Variants in CLSTN2 observed in about 807,000 individuals in gnomAD.
CLSTN2 encodes calsyntenin 2, also known as calsyntenin-2.
In CLSTN2, 48 loss-of-function variants were observed where a neutral mutation model predicts 101.2. The observed-to-expected ratio is 0.47, with a 90% CI of 0.38 to 0.60. CLSTN2 has a LOEUF of 0.60. CLSTN2 is among the 20% of genes least tolerant of loss of function. The pLI, the probability that CLSTN2 is intolerant of heterozygous loss-of-function variation, is 0.00. For synonymous variants in CLSTN2, 481 were observed against 463.6 expected, an observed-to-expected ratio of 1.04 and a Z score of -0.48; for missense variants, 1,160 against 1,238.2, an observed-to-expected ratio of 0.94 and a Z score of 0.95.
At chr3:140,467,133 G>T (rs965207367) in intron 8 of CLSTN2, among the ~76,000 whole-genome samples, 2 of 152,186 alleles carry the variant, frequency 1.3e-5, no homozygotes, top group African/African-American at 4.8e-5. Flanking sequence ...ACAAGGTTGA[G>T]GACAGGGACT....
chr3:140,237,204 A>G (rs2086425978), intron 2 of CLSTN2, among the ~76,000 whole-genome samples: 1 of 152,148 alleles, frequency 6.6e-6, no homozygotes, highest in Non-Finnish European at 1.5e-5. Flanking sequence ...CTTGTTTTTA[A>G]GCATTTTTAA....
At chr3:140,288,177 A>G (rs566581754) in intron 2 of CLSTN2, among the ~76,000 whole-genome samples, 1 of 151,980 alleles carries the variant, frequency 6.6e-6, no homozygotes, top group East Asian at 1.9e-4. Flanking sequence ...CCACATGTAT[A>G]CCTATTGTTA....
intron 2 of CLSTN2, among the ~76,000 whole-genome samples, chr3:140,388,240 T>C (rs530134241): frequency 1.7e-4 from 26 of 152,324 alleles, no homozygotes; most frequent in Non-Finnish European, 2.5e-4. Flanking sequence ...GGTTTTTAAT[T>C]AACTGACTGT....
intron 5 of CLSTN2, among the ~76,000 whole-genome samples, chr3:140,426,914 C>T (rs958021803): frequency 1.4e-4 from 21 of 152,088 alleles, no homozygotes; most frequent in African/African-American, 5.1e-4. Context: ...GTGGCTCACA[C>T]CTGTAATCCT....
intron 9 of CLSTN2, among the ~76,000 whole-genome samples, chr3:140,542,468 C>CTAAT (rs200186019): frequency 0.032 from 4,914 of 152,216 alleles, 112 homozygotes; most frequent in Non-Finnish European, 0.051. Context: ...ATGTTTATGT[C>CTAAT]TAATTGTTAA....
intron 2 of CLSTN2, among the ~76,000 whole-genome samples, chr3:140,255,228 G>A (rs976191434): frequency 6.6e-6 from 1 of 152,286 alleles, no homozygotes; most frequent in Admixed American, 6.5e-5. Flanking sequence ...CAGCCATCGT[G>A]GAAAGCAGTT....
At chr3:140,532,569 T>C in intron 9 of CLSTN2, 83 bp downstream of exon 9, 3 of 1,286,352 alleles carry the variant, frequency 2.3e-6, no homozygotes, top group Non-Finnish European at 3.1e-6. Context: ...GAAAAGCAAG[T>C]GGTGTGAGAA....
intron 1 of CLSTN2, among the ~76,000 whole-genome samples, chr3:140,046,743 T>C (rs2007889489): frequency 6.6e-6 from 1 of 152,202 alleles, no homozygotes; most frequent in Non-Finnish European, 1.5e-5. Context: ...TGCTTGTCTG[T>C]AAAGGATTTT....
chr3:140,387,726 T>G (rs961735642), intron 2 of CLSTN2, among the ~76,000 whole-genome samples: 1 of 152,336 alleles, frequency 6.6e-6, no homozygotes. Flanking sequence ...AACTTCAAAT[T>G]AAAAGATATT....
At chr3:140,439,056 A>G (rs1172456007) in intron 5 of CLSTN2, among the ~76,000 whole-genome samples, 2 of 152,230 alleles carry the variant, frequency 1.3e-5, no homozygotes, top group Non-Finnish European at 2.9e-5. Flanking sequence ...GGTGGTGCCC[A>G]ACACCAGCAA....
At chr3:140,258,419 C>T (rs531141702) in intron 2 of CLSTN2, among the ~76,000 whole-genome samples, 11 of 152,194 alleles carry the variant, frequency 7.2e-5, no homozygotes, top group African/African-American at 2.2e-4. Flanking sequence ...TTCATGTGGC[C>T]GTAGATAATG....
chr3:140,390,948 T>C (rs1288793275), intron 2 of CLSTN2, among the ~76,000 whole-genome samples: 1 of 152,246 alleles, frequency 6.6e-6, no homozygotes, highest in Non-Finnish European at 1.5e-5. Flanking sequence ...AGTAATGTTT[T>C]GTTTTAACAG....
chr3:140,048,003 C>T (rs1027451283), intron 1 of CLSTN2, among the ~76,000 whole-genome samples: 2 of 151,934 alleles, frequency 1.3e-5, no homozygotes, highest in African/African-American at 4.8e-5. Flanking sequence ...GAAATAAATG[C>T]ATGGCTATTA....
intron 2 of CLSTN2, among the ~76,000 whole-genome samples, chr3:140,394,640 C>T (rs888688284): frequency 6.6e-6 from 1 of 152,164 alleles, no homozygotes; most frequent in African/African-American, 2.4e-5. Context: ...ACTTTTTGTC[C>T]ATCTGCCTCC....
intron 8 of CLSTN2, among the ~76,000 whole-genome samples, chr3:140,529,883 G>A (rs1264566980): frequency 2.6e-5 from 4 of 152,166 alleles, no homozygotes; most frequent in African/African-American, 4.8e-5. Flanking sequence ...GAGATAAAAT[G>A]TGTCCCTTTT....
chr3:139,980,093 CT>C lies in CLSTN2; in HGVS notation c.109+44611del, dbSNP rs1935889382. Among the ~76,000 whole-genome samples, 4 of 152,114 alleles carry C rather than the reference CT, an allele frequency of 2.6e-5. No homozygotes were observed. In the South Asian group the frequency reaches 6.2e-4, roughly 24 times the overall value. On this transcript the variant is annotated intron_variant, in intron 1 of 16. Transcript: ENST00000458420. ...TGGTTGGTCCAGGCCACCATCATCT[CT>C]CACCTGAATGACTGCAGTAGTCTCC...
intron 2 of CLSTN2, among the ~76,000 whole-genome samples, chr3:140,200,401 A>G (rs2107840970): frequency 6.6e-6 from 1 of 152,312 alleles, no homozygotes; most frequent in South Asian, 2.1e-4. Context: ...AATGACCGCC[A>G]AAAAGAGCCT....
chr3:140,370,439 C>T (rs1026780), intron 2 of CLSTN2, among the ~76,000 whole-genome samples: 142,034 of 152,108 alleles, frequency 0.93, 67,054 homozygotes, highest in East Asian at 1. Flanking sequence ...CGCAACACAG[C>T]GTCTGGCATA....
chr3:140,244,192 C>T (rs1221683364), intron 2 of CLSTN2, among the ~76,000 whole-genome samples: 1 of 152,130 alleles, frequency 6.6e-6, no homozygotes, highest in Non-Finnish European at 1.5e-5. Flanking sequence ...GTACTGCCTG[C>T]ACCTGGATGT....
Sources: allele counts gnomAD v4.1 joint callset (sites outside exome capture counted in the v4.1 genomes callset), GRCh38; gene constraint gnomAD v4.1.1; transcripts MANE v1.5; gene names NCBI Gene and HGNC (gene_info 2026-07-23, HGNC 2026-07-21).